Variants in IL34 observed in about 807,000 individuals in gnomAD.
IL34 encodes the protein interleukin 34, also known as interleukin-34.
IL34 carries 17 observed loss-of-function variants against 25.3 expected under a neutral mutation model. That is an observed-to-expected ratio of 0.67 (90% CI 0.46 to 1.01). The LOEUF is 1.01. IL34 is among the 50% of genes least tolerant of loss of function. IL34 has a pLI of 0.00. For missense variants in IL34, 368 were observed against 312.9 expected, an observed-to-expected ratio of 1.18 and a Z score of -1.33; for synonymous variants, 174 against 140.9, an observed-to-expected ratio of 1.23 and a Z score of -1.66.
chr16:70,654,656 C>T lies in IL34; in HGVS notation c.147C>T (p.Ser49=). 6.2e-7 allele frequency: 1 copy of T among 1,609,778 alleles called. No individual in the cohort carries two copies. Among genetic ancestry groups the T allele is most frequent in the Non-Finnish European group, 8.5e-7 (1 of 1,176,822 alleles). ...TGCGGGACAAGCTGCAGTACAGGAG[C>T]CGACTTCAGTACATGGTAACCACGT... is the stretch of plus-strand genomic sequence containing the variant. ...GFLRDKLQYR[S]RLQYMKHYFP... is the part of the protein sequence containing the mutation. The change falls in exon 2 of 6, where the codon AGC becomes AGT. Residue 49 remains serine (S), a synonymous_variant. Coordinates refer to ENST00000288098, the MANE Select transcript of IL34 (RefSeq NM_001393494.1).
chr16:70,648,231 T>C (rs1456866487), intron 1 of IL34, among the ~76,000 whole-genome samples: 1 of 152,022 alleles, frequency 6.6e-6, no homozygotes, highest in East Asian at 1.9e-4. Context: ...CAGGAGGGAA[T>C]GAGGGTCATT....
chr16:70,586,931 C>T (rs1011736088), intron 1 of IL34, among the ~76,000 whole-genome samples: 3 of 152,200 alleles, frequency 2.0e-5, no homozygotes, highest in African/African-American at 4.8e-5. Flanking sequence ...GCTGGAGGGC[C>T]CCCTGCTTTC....
chr16:70,588,991 T>A (rs1355638478), intron 1 of IL34, among the ~76,000 whole-genome samples: 1 of 152,058 alleles, frequency 6.6e-6, no homozygotes, highest in African/African-American at 2.4e-5. Context: ...CACAATAATA[T>A]AAATGTATTT....
At chr16:70,628,008 C>G (rs2151846247) in intron 1 of IL34, among the ~76,000 whole-genome samples, 1 of 152,316 alleles carries the variant, frequency 6.6e-6, no homozygotes, top group Non-Finnish European at 1.5e-5. Flanking sequence ...TCAGAAAATA[C>G]TGCCAAACTG....
At chr16:70,634,170 G>A (rs2051585985) in intron 1 of IL34, among the ~76,000 whole-genome samples, 1 of 151,856 alleles carries the variant, frequency 6.6e-6, no homozygotes, top group African/African-American at 2.4e-5. Flanking sequence ...TTCTTATCAG[G>A]ACACCAGTCA....
chr16:70,643,961 A>C (rs8060584), upstream of IL34, among the ~76,000 whole-genome samples: 43,637 of 152,002 alleles, frequency 0.29, 6,563 homozygotes, highest in South Asian at 0.45. Context: ...AGCTGGAATG[A>C]CAGAAGAGTG....
At chr16:70,636,890 T>G (rs1039505628) in intron 1 of IL34, among the ~76,000 whole-genome samples, 1 of 152,188 alleles carries the variant, frequency 6.6e-6, no homozygotes. Context: ...TTATTTTATT[T>G]TTTTTTTGAG....
At chr16:70,624,200 TGC>T (rs2051341072) in intron 1 of IL34, among the ~76,000 whole-genome samples, 1 of 152,006 alleles carries the variant, frequency 6.6e-6, no homozygotes, top group Non-Finnish European at 1.5e-5. Context: ...AATCCCGGGC[TGC>T]CGGCATTCCT....
At chr16:70,624,238 C>A (rs1050687280) in intron 1 of IL34, among the ~76,000 whole-genome samples, 2 of 151,796 alleles carry the variant, frequency 1.3e-5, no homozygotes, top group East Asian at 1.9e-4. Context: ...ATTTCCGGCA[C>A]GTGTAGCAAG....
intron 1 of IL34, among the ~76,000 whole-genome samples, chr16:70,601,937 G>A (rs945085187): frequency 2.0e-5 from 3 of 152,242 alleles, no homozygotes; most frequent in African/African-American, 7.2e-5. Context: ...CGAAGGGCAA[G>A]GGCCACACAC....
upstream of IL34, among the ~76,000 whole-genome samples, chr16:70,643,510 A>C (rs977823581): frequency 6.6e-6 from 1 of 152,226 alleles, no homozygotes; most frequent in Non-Finnish European, 1.5e-5. Context: ...AGCTGGGACC[A>C]CAGGCCCGTG....
chr16:70,634,098 G>A (rs564102927), intron 1 of IL34, among the ~76,000 whole-genome samples: 100 of 151,318 alleles, frequency 6.6e-4, no homozygotes, highest in Non-Finnish European at 1.2e-3. Context: ...TGATCTGCCC[G>A]CCTCGGCCTC....
At chr16:70,636,968 C>T (rs1049305009) in intron 1 of IL34, among the ~76,000 whole-genome samples, 3 of 152,010 alleles carry the variant, frequency 2.0e-5, no homozygotes, top group Middle Eastern at 3.4e-3. Context: ...CAAGTTCCGC[C>T]TCCCAGGTTC....
intron 1 of IL34, among the ~76,000 whole-genome samples, chr16:70,613,089 G>A (rs1207889149): frequency 6.6e-6 from 1 of 152,202 alleles, no homozygotes; most frequent in Non-Finnish European, 1.5e-5. Context: ...CACATCTGTT[G>A]AGAAATGCAT....
chr16:70,618,453 G>A (rs759594482), intron 1 of IL34, among the ~76,000 whole-genome samples: 8 of 152,144 alleles, frequency 5.3e-5, no homozygotes, highest in African/African-American at 1.9e-4. Context: ...AATTATATGC[G>A]TCAGGTATGA....
intron 1 of IL34, among the ~76,000 whole-genome samples, chr16:70,616,361 T>C (rs746505183): frequency 6.6e-6 from 1 of 152,236 alleles, no homozygotes; most frequent in Non-Finnish European, 1.5e-5. Context: ...ATTGGATTTA[T>C]ATCATTGGAT....
chr16:70,628,102 GA>G (rs1282907181), intron 1 of IL34, among the ~76,000 whole-genome samples: 21 of 152,160 alleles, frequency 1.4e-4, no homozygotes, highest in Admixed American at 2.6e-4. Context: ...GCAACACTTG[GA>G]TTTTTTTGGT....
chr16:70,657,649 C>CG (rs2052267657), intron 4 of IL34, among the ~76,000 whole-genome samples: 1 of 152,130 alleles, frequency 6.6e-6, no homozygotes, highest in Non-Finnish European at 1.5e-5. Flanking sequence ...GTGGTGGGCA[C>CG]CTGTTATCCC....
intron 1 of IL34, among the ~76,000 whole-genome samples, chr16:70,615,845 C>CG (rs2051164892): frequency 1.3e-5 from 2 of 152,060 alleles, no homozygotes; most frequent in South Asian, 4.1e-4. Flanking sequence ...CTCAGCTACT[C>CG]GGAAGACTGA....
Sources: gnomAD v4.1 joint callset for allele counts (sites outside exome capture counted in the v4.1 genomes callset) on GRCh38, gnomAD v4.1.1 for gene constraint, MANE v1.5 for transcripts, NCBI Gene and HGNC (gene_info 2026-07-23, HGNC 2026-07-21) for gene names.